Variants in ILF2 observed in about 807,000 individuals in gnomAD.
The protein encoded by ILF2 is interleukin enhancer-binding factor 2.
Under a neutral mutation model 55.3 loss-of-function variants are expected in ILF2, and 9 were observed. The ratio of observed to expected loss-of-function variants is 0.16; its 90% CI spans 0.10 to 0.28. The LOEUF is 0.28. Ranked by LOEUF, ILF2 falls within the 10% of genes least tolerant of loss-of-function variation. The pLI is 1.00. For missense variants in ILF2, 266 were observed against 474.9 expected, an observed-to-expected ratio of 0.56 and a Z score of 4.09; for synonymous variants, 151 against 161.8, an observed-to-expected ratio of 0.93 and a Z score of 0.50.
intron 13 of ILF2, 24 bp from the exon 14 acceptor site, chr1:153,662,580 T>G: frequency 6.2e-7 from 1 of 1,604,508 alleles, no homozygotes; most frequent in Non-Finnish European, 8.5e-7. Context: ...AAAGGTGATT[T>G]AGACGAGTAG....
intron 1 of ILF2, 43 bp from the exon 2 acceptor site, chr1:153,670,273 C>T: frequency 6.3e-7 from 1 of 1,595,766 alleles, no homozygotes; most frequent in Non-Finnish European, 8.6e-7. Context: ...AAGGAATACC[C>T]ACCGGCCATA....
Position 153,667,559 on chromosome 1 carries a change from T to C in ILF2, c.390A>G (p.Pro130=), listed in dbSNP as rs776683786. 1.2e-6 allele frequency: 2 copies of C among 1,604,684 alleles called. No homozygotes were observed. The highest frequency in any genetic ancestry group is 1.1e-5 in the South Asian group (1 of 90,866). Residue 130 remains proline, a synonymous_variant, in exon 6 of 14, where the codon CCA becomes CCG. Coordinates refer to ENST00000361891, the MANE Select transcript of ILF2 (RefSeq NM_004515.4). ...ACCAGAAACAGGCACACTCACACGT[T>C]GGCAGAATCTTGAGTATCACCACCA... ...ADLVVILKIL[P]TLEAVAALGN...
chr1:153,669,763 C>T, intron 3 of ILF2, 73 bp downstream of exon 3: 1 of 1,263,498 alleles, frequency 7.9e-7, no homozygotes, highest in Non-Finnish European at 1.2e-6. Flanking sequence ...CATCTAACTT[C>T]ATTAACTGGG....
chr1:153,670,362 C>T (rs757234509), intron 1 of ILF2, 132 bp from the exon 2 acceptor site: 6 of 762,492 alleles, frequency 7.9e-6, no homozygotes, highest in Non-Finnish European at 1.3e-5. Context: ...TACACTTGTC[C>T]CCATTCCAAA....
chr1:153,663,159 T>TA, intron 11 of ILF2, 26 bp from the exon 12 acceptor site: 5 of 1,613,740 alleles, frequency 3.1e-6, no homozygotes, highest in Non-Finnish European at 4.2e-6. Flanking sequence ...GTATGAGGTA[T>TA]TAAAGGAATG....
In ILF2 at chr1:153,662,159, G is replaced by C. The variant is rs1557950478; in HGVS notation, c.*237C>G. The C allele has an allele frequency of 2.2e-6, 1 of 454,470 alleles. No homozygotes were observed. Among genetic ancestry groups the C allele is most frequent in the East Asian group, 3.6e-5 (1 of 27,594 alleles). The allele number at this position is 454,470 out of a possible 1,614,324, so 28.2% of individuals were successfully genotyped here. A position where few individuals can be genotyped will look rare whatever the true frequency, so the allele number is the denominator to read the frequency against. Reference sequence around the variant, plus strand: ...GGGTTTTCAGGAGTTGGAGATTATAGAATATTAGGAAGAAATGTTGGTATC... The same window carrying C: ...GGGTTTTCAGGAGTTGGAGATTATACAATATTAGGAAGAAATGTTGGTATC... On this transcript the variant is annotated 3_prime_UTR_variant, in exon 14 of 14. Coordinates refer to ENST00000361891, the MANE Select transcript of ILF2 (RefSeq NM_004515.4).
chr1:153,668,444 A>C lies in ILF2; in HGVS notation c.213+9T>G. The C allele has an allele frequency of 6.2e-7, 1 of 1,614,156 alleles. No individual in the cohort carries two copies. Among genetic ancestry groups the C allele is most frequent in the Non-Finnish European group, 8.5e-7 (1 of 1,180,026 alleles). ...GAGACATTTCTGGAAGACAGCCAAA[A>C]GAACATACCTGTTCAGCAGAATTGG... On this transcript the variant is annotated intron_variant, in intron 4 of 13. Transcript: ENST00000361891.
At chr1:153,665,776 A>ACT in intron 6 of ILF2, 48 bp from the exon 7 acceptor site, 2 of 1,415,982 alleles carry the variant, frequency 1.4e-6, no homozygotes, top group Non-Finnish European at 2.0e-6. Flanking sequence ...ATTTGCCTAG[A>ACT]CTTTCTATGT....
At position 153,662,273 on chromosome 1, in the gene ILF2, G is replaced by C. The variant is rs1669188869; in HGVS notation, c.*123C>G. On this transcript the variant is annotated 3_prime_UTR_variant, in exon 14 of 14. Transcript: ENST00000361891. ...CCCAGTGGAATGACACTTCTATGGAGTTTACTTTTCTTCCTGCTATCTTCC... is the reference window on the plus strand; with the variant it reads ...CCCAGTGGAATGACACTTCTATGGACTTTACTTTTCTTCCTGCTATCTTCC... 9.6e-6 allele frequency: 12 copies of C among 1,247,572 alleles called. No homozygotes were observed. In the South Asian group the frequency reaches 1.6e-4, roughly 16 times the overall value. 77.3% of individuals were successfully genotyped at this position (1,247,572 alleles called of 1,614,324 possible).
At chr1:153,668,262 G>A (rs1224497367) in intron 4 of ILF2, among the ~76,000 whole-genome samples, 185 bp from the exon 5 acceptor site, 1 of 152,146 alleles carries the variant, frequency 6.6e-6, no homozygotes. Flanking sequence ...GTAAAAATAA[G>A]AATGCATATG....
Position 153,670,347 on chromosome 1 carries a change from A to G in ILF2, c.6-117T>C, listed in dbSNP as rs77598950. ...CAACGGTAGGCAAGAGACCCCACTC[A>G]CACTTACACTTGTCCCCATTCCAAA... On this transcript the variant is annotated intron_variant, in intron 1 of 13. Transcript: ENST00000361891. 4,477 of 905,574 alleles carry G rather than the reference A, an allele frequency of 4.9e-3. 129 individuals are homozygous for G. The African/African-American group carries it at 0.066, about 13-fold the overall frequency. The allele number at this position is 905,574 out of a possible 1,614,324, so 56.1% of individuals were successfully genotyped here.
chr1:153,666,391 C>T (rs1669307095), intron 6 of ILF2, among the ~76,000 whole-genome samples: 1 of 152,130 alleles, frequency 6.6e-6, no homozygotes, highest in Non-Finnish European at 1.5e-5. Flanking sequence ...GCCACGTTGG[C>T]CAGGCTGGTC....
intron 2 of ILF2, 74 bp from the exon 3 acceptor site, chr1:153,669,952 T>C (rs1669402463): frequency 6.1e-6 from 8 of 1,317,652 alleles, no homozygotes; most frequent in South Asian, 2.4e-5. Context: ...GCCAACAATT[T>C]TGAAAACATG....
At position 153,663,246 on chromosome 1, in the gene ILF2, T is replaced by G; in HGVS notation, c.775A>C (p.Arg259=). 6.2e-7 allele frequency: 1 copy of G among 1,614,210 alleles called. No individual in the cohort carries two copies. ...GCAACGTTTAGGGCCAAAGGCTGTC[T>G]GGTGGGGTTGTTCATCACAGCATAA... ...GHYAVMNNPT[R]QPLALNVAYR... Residue 259 remains arginine (R), a synonymous_variant, in exon 11 of 14, where the codon AGA becomes CGA. Transcript: ENST00000361891.
In ILF2 at chr1:153,670,950, C is replaced by G. The variant is rs751877993; in HGVS notation, c.-28G>C. On this transcript the variant is annotated 5_prime_UTR_variant, in exon 1 of 14. Coordinates refer to ENST00000361891, the MANE Select transcript of ILF2 (RefSeq NM_004515.4). Reference sequence around the variant, plus strand: ...CGCCTTAAAACACGAACAATGGAGGCCGCACCAACCGCCCCTTCCTCTGAG... The same window carrying G: ...CGCCTTAAAACACGAACAATGGAGGGCGCACCAACCGCCCCTTCCTCTGAG... 1.9e-6 allele frequency: 3 copies of G among 1,614,158 alleles called. No homozygotes were observed. Among genetic ancestry groups the G allele is most frequent in the South Asian group, 2.2e-5 (2 of 91,088 alleles).
chr1:153,667,676 C>CG lies in ILF2; in HGVS notation c.292-20dup. ...CAATTTGCTGTTGGAAAAAGGATTT[C>CG]GGGGAAAAACAATTTAGAAGAAAAA... On this transcript the variant is annotated intron_variant, in intron 5 of 13. Transcript: ENST00000361891. 3 of 1,544,546 alleles carry CG rather than the reference C, an allele frequency of 1.9e-6. No individual in the cohort carries two copies. The highest frequency in any genetic ancestry group is 1.8e-6 in the Non-Finnish European group (2 of 1,126,522).
At chr1:153,665,039 G>C (rs1239761055) in intron 8 of ILF2, among the ~76,000 whole-genome samples, 181 bp downstream of exon 8, 1 of 152,178 alleles carries the variant, frequency 6.6e-6, no homozygotes, top group South Asian at 2.1e-4. Flanking sequence ...AATTCCACTA[G>C]CAAGCTGATA....
rs540001226 is a variant in ILF2 at position 153,664,659 on chromosome 1, G to A, written c.578-185C>T. 8.2e-4 allele frequency among the ~76,000 whole-genome samples: 125 copies of A among 152,204 alleles called. 1 individual carries two copies. Among genetic ancestry groups the A allele is most frequent in the African/African-American group, 2.4e-3 (101 of 41,516 alleles). On this transcript the variant is annotated intron_variant, in intron 8 of 13. Coordinates refer to ENST00000361891, the MANE Select transcript of ILF2 (RefSeq NM_004515.4). ...ACTGCAACCTCCGCCTCCCGGGTTC[G>A]AGCAATTCTCCTGCCTCAGCCTCCT...
rs374065443 is a variant in ILF2, at chr1:153,669,823, C to T, written c.108+13G>A. ...TGACCAGAAAATGTGTATCATTAAC[C>T]CAAGGTACTCACCAAATAGAAGTCA... On this transcript the variant is annotated intron_variant, in intron 3 of 13. Transcript: ENST00000361891. 3 of 1,606,526 alleles carry T rather than the reference C, an allele frequency of 1.9e-6. No individual in the cohort carries two copies. In the African/African-American group the frequency reaches 4.0e-5, roughly 21 times the overall value.
Sources: allele counts gnomAD v4.1 joint callset (sites outside exome capture counted in the v4.1 genomes callset), GRCh38; gene constraint gnomAD v4.1.1; transcripts MANE v1.5; gene names NCBI Gene and HGNC (gene_info 2026-07-23, HGNC 2026-07-21).